MRPS16: variants seen among roughly 807,000 people sequenced by gnomAD.
MRPS16 encodes small ribosomal subunit protein bS16m.
A neutral mutation model predicts 11.0 loss-of-function variants in MRPS16; 5 were observed. That is an observed-to-expected ratio of 0.46 (90% confidence interval 0.24 to 0.96). MRPS16 has a LOEUF of 0.96. MRPS16 is among the 40% of genes least tolerant of loss of function. The pLI is 0.20. For missense variants in MRPS16, 179 were observed against 174.4 expected (o/e 1.03, Z -0.15); for synonymous variants, 76 against 65.0 (o/e 1.17, Z -0.81).
chr10:73,250,676 A>T lies in MRPS16; in HGVS notation c.*176T>A. ...CTAATTAGTACCCACACCCAGCTCT[A>T]AGTCACACAAGAACAAATCTCTCCC... is the stretch of plus-strand genomic sequence containing the variant. On this transcript the variant is annotated 3_prime_UTR_variant, in exon 3 of 3. Transcript: ENST00000372945. 1.2e-6 allele frequency: 1 copy of T among 825,094 alleles called. No individual in the cohort carries two copies. The highest frequency in any genetic ancestry group is 2.0e-6 in the Non-Finnish European group (1 of 505,724). The allele number at this position is 825,094 out of a possible 1,614,324, so 51.1% of individuals were successfully genotyped here.
chr10:73,250,594 C>G lies in MRPS16; in HGVS notation c.*258G>C. The G allele has an allele frequency of 2.1e-6, 1 of 480,482 alleles. No individual in the cohort carries two copies. Among genetic ancestry groups the G allele is most frequent in the Non-Finnish European group, 3.8e-6 (1 of 264,020 alleles). 29.8% of individuals were successfully genotyped at this position (480,482 alleles called of 1,614,324 possible). Reference sequence around the variant, plus strand: ...GTTGTCCAAGAGACCCAGAGCCCAACTCAAAAGTCCAATCCTCCCATAGCC... The same window carrying G: ...GTTGTCCAAGAGACCCAGAGCCCAAGTCAAAAGTCCAATCCTCCCATAGCC... On this transcript the variant is annotated 3_prime_UTR_variant, in exon 3 of 3. Coordinates refer to ENST00000372945, the MANE Select transcript of MRPS16 (RefSeq NM_016065.4).
At position 73,249,651 on chromosome 10, in the gene MRPS16, A is replaced by C. The variant is rs1589209657; in HGVS notation, c.*1201T>G. 1.1e-5 allele frequency: 3 copies of C among 276,812 alleles called. No individual in the cohort carries two copies. Among genetic ancestry groups the C allele is most frequent in the African/African-American group, 2.2e-5 (1 of 45,696 alleles). The allele number at this position is 276,812 out of a possible 1,614,324, so 17.1% of individuals were successfully genotyped here. ...CCCATCTATGATATATGCAGAAATC[A>C]CAGCCACATTTGAATGGTTCAATCT... On this transcript the variant is annotated 3_prime_UTR_variant, in exon 3 of 3. Transcript: ENST00000372945.
At position 73,249,407 on chromosome 10, in the gene MRPS16, G is replaced by C. The variant is rs1015693258; in HGVS notation, c.*1445C>G. 1.5e-6 allele frequency: 2 copies of C among 1,296,602 alleles called. No individual in the cohort carries two copies. The highest frequency in any genetic ancestry group is 2.5e-5 in the East Asian group (1 of 39,360). 80.3% of individuals were successfully genotyped at this position (1,296,602 alleles called of 1,614,324 possible). ...ATTCAAACTATAAAGATCCCTTATA[G>C]ATTACTGGCATCAAGGTAGGAAGGA... On this transcript the variant is annotated 3_prime_UTR_variant, in exon 3 of 3. Coordinates refer to ENST00000372945, the MANE Select transcript of MRPS16 (RefSeq NM_016065.4).
intron 1 of MRPS16, 77 bp downstream of exon 1, chr10:73,252,391 GGA>G: frequency 3.1e-6 from 5 of 1,595,168 alleles, no homozygotes; most frequent in Non-Finnish European, 4.3e-6. Flanking sequence ...ATCGCGCCTG[GGA>G]GAGCTCTCCC....
chr10:73,248,878 C>T lies in MRPS16; in HGVS notation c.*1974G>A. The T allele has an allele frequency of 2.7e-6, 1 of 368,620 alleles. No homozygotes were observed. Among genetic ancestry groups the T allele is most frequent in the Non-Finnish European group, 5.7e-6 (1 of 175,176 alleles). 22.8% of individuals were successfully genotyped at this position (368,620 alleles called of 1,614,324 possible). A position where few individuals can be genotyped will look rare whatever the true frequency, so the allele number is the denominator to read the frequency against. On this transcript the variant is annotated 3_prime_UTR_variant, in exon 3 of 3. Transcript: ENST00000372945. The stretch of plus-strand genomic sequence containing the variant: ...ACACTGAAATATCCTTTTATTGCAA[C>T]TCAAATTTTCAAAAACCAGAAAATC...
Position 73,252,558 on chromosome 10 carries a change from GAAC to G in MRPS16, c.-79_-77del. The G allele has an allele frequency of 6.3e-7, 1 of 1,580,236 alleles. No individual in the cohort carries two copies. Among genetic ancestry groups the G allele is most frequent in the Non-Finnish European group, 8.6e-7 (1 of 1,168,084 alleles). ...AGCTCTACGGCCTTGGCAGGGCAGA[GAAC>G]AAACACAGAAAGAACCTGCAAGCCG... On this transcript the variant is annotated 5_prime_UTR_variant, in exon 1 of 3. Transcript: ENST00000372945.
chr10:73,251,061 A>G, intron 2 of MRPS16, 70 bp from the exon 3 acceptor site: 1 of 1,573,320 alleles, frequency 6.4e-7, no homozygotes, highest in African/African-American at 1.3e-5. Flanking sequence ...ACTCTGTCTC[A>G]CAGAACTGAG....
At chr10:73,252,432 G>A in intron 1 of MRPS16, 38 bp downstream of exon 1, 1 of 1,608,904 alleles carries the variant, frequency 6.2e-7, no homozygotes, top group Non-Finnish European at 8.5e-7. Context: ...CGAGCCCCGT[G>A]ACCGCCCGGA....
chr10:73,251,058 C>G, intron 2 of MRPS16, 67 bp from the exon 3 acceptor site: 1 of 1,578,446 alleles, frequency 6.3e-7, no homozygotes, highest in Non-Finnish European at 8.7e-7. Context: ...GGAACTCTGT[C>G]TCACAGAACT....
Position 73,251,623 on chromosome 10 carries a change from C to T in MRPS16, c.274+140G>A, listed in dbSNP as rs558002880. 5.0e-6 allele frequency: 6 copies of T among 1,203,562 alleles called. No homozygotes were observed. The Admixed American group carries it at 5.1e-5, about 10-fold the overall frequency. 74.6% of individuals were successfully genotyped at this position (1,203,562 alleles called of 1,614,324 possible). A position where few individuals can be genotyped will look rare whatever the true frequency, so the allele number is the denominator to read the frequency against. ...CTCAAACTCTTGACCTCAGGTGATCCGCCCGCCTCGGCCTCCCAAAGCGCT... is the reference window on the plus strand; with the variant it reads ...CTCAAACTCTTGACCTCAGGTGATCTGCCCGCCTCGGCCTCCCAAAGCGCT... On this transcript the variant is annotated intron_variant, in intron 2 of 2. Coordinates refer to ENST00000372945, the MANE Select transcript of MRPS16 (RefSeq NM_016065.4).
At position 73,252,499 on chromosome 10, in the gene MRPS16, G is replaced by A. The variant is rs1043376293; in HGVS notation, c.-17C>T. The A allele has an allele frequency of 1.9e-6, 3 of 1,606,834 alleles. No individual in the cohort carries two copies. The highest frequency in any genetic ancestry group is 1.7e-6 in the Non-Finnish European group (2 of 1,179,610). On this transcript the variant is annotated 5_prime_UTR_variant, in exon 1 of 3. Transcript: ENST00000372945. ...GTGGACCATGGTGCCGCCGGCGTGC[G>A]GCTCCTCGGAGAGCCCCGCTACCCG...
Position 73,250,678 on chromosome 10 carries a change from G to A in MRPS16, c.*174C>T, listed in dbSNP as rs766015986. 8.1e-5 allele frequency: 69 copies of A among 848,004 alleles called. No homozygotes were observed. The highest frequency in any genetic ancestry group is 1.2e-4 in the Non-Finnish European group (64 of 525,238). The allele number at this position is 848,004 out of a possible 1,614,324, so 52.5% of individuals were successfully genotyped here. On this transcript the variant is annotated 3_prime_UTR_variant, in exon 3 of 3. Transcript: ENST00000372945. Reference sequence around the variant, plus strand: ...AATTAGTACCCACACCCAGCTCTAAGTCACACAAGAACAAATCTCTCCCTG... The same window carrying A: ...AATTAGTACCCACACCCAGCTCTAAATCACACAAGAACAAATCTCTCCCTG...
intron 1 of MRPS16, 91 bp downstream of exon 1, chr10:73,252,379 C>T: frequency 1.3e-6 from 2 of 1,572,554 alleles, no homozygotes; most frequent in Non-Finnish European, 1.7e-6. Flanking sequence ...CGGGTTGCCT[C>T]CATCGCGCCT....
chr10:73,252,406 C>G, intron 1 of MRPS16, 64 bp downstream of exon 1: 1 of 1,604,894 alleles, frequency 6.2e-7, no homozygotes, highest in Non-Finnish European at 8.5e-7. Flanking sequence ...GCTCTCCCCA[C>G]CCGGCCCCGA....
Position 73,249,091 on chromosome 10 carries a change from T to C in MRPS16, c.*1761A>G, listed in dbSNP as rs886047187. The C allele has an allele frequency of 6.6e-6, 4 of 603,824 alleles. No individual in the cohort carries two copies. Among genetic ancestry groups the C allele is most frequent in the Non-Finnish European group, 9.1e-6 (3 of 331,414 alleles). The allele number at this position is 603,824 out of a possible 1,614,324, so 37.4% of individuals were successfully genotyped here. ...GCAACACCACAGCCAGCTAATTTTT[T>C]AAGTTTTTGTAGAGACGGGGTCTTG... On this transcript the variant is annotated 3_prime_UTR_variant, in exon 3 of 3. Coordinates refer to ENST00000372945, the MANE Select transcript of MRPS16 (RefSeq NM_016065.4).
chr10:73,249,388 A>T lies in MRPS16; in HGVS notation c.*1464T>A. ...ACTGAAGTTATTCAAATACATTCAA[A>T]CTATAAAGATCCCTTATAGATTACT... On this transcript the variant is annotated 3_prime_UTR_variant, in exon 3 of 3. Coordinates refer to ENST00000372945, the MANE Select transcript of MRPS16 (RefSeq NM_016065.4). 2.1e-6 allele frequency: 3 copies of T among 1,428,494 alleles called. No homozygotes were observed. The highest frequency in any genetic ancestry group is 1.3e-5 in the South Asian group (1 of 79,322). 88.5% of individuals were successfully genotyped at this position (1,428,494 alleles called of 1,614,324 possible). A position where few individuals can be genotyped will look rare whatever the true frequency, so the allele number is the denominator to read the frequency against.
Position 73,248,851 on chromosome 10 carries a change from G to T in MRPS16, c.*2001C>A. The stretch of plus-strand genomic sequence containing the variant: ...ACATTTGCTACGGAAAATTGAAATC[G>T]CACACTGAAATATCCTTTTATTGCA... On this transcript the variant is annotated 3_prime_UTR_variant, in exon 3 of 3. Transcript: ENST00000372945. 2 of 317,960 alleles carry T rather than the reference G, an allele frequency of 6.3e-6. No individual in the cohort carries two copies. The highest frequency in any genetic ancestry group is 2.8e-5 in the South Asian group (1 of 35,732). 19.7% of individuals were successfully genotyped at this position (317,960 alleles called of 1,614,324 possible).
Position 73,250,384 on chromosome 10 carries a change from CAAAA to C in MRPS16, c.*464_*467del, listed in dbSNP as rs113258240. 1.1e-3 allele frequency: 108 copies of C among 95,860 alleles called. No homozygotes were observed. The highest frequency in any genetic ancestry group is 2.6e-3 in the South Asian group (13 of 5,042). 5.9% of individuals were successfully genotyped at this position (95,860 alleles called of 1,614,324 possible). A position where few individuals can be genotyped will look rare whatever the true frequency, so the allele number is the denominator to read the frequency against. On this transcript the variant is annotated 3_prime_UTR_variant, in exon 3 of 3. Transcript: ENST00000372945. ...CTGGCAACAGAACAAGACTCCGTCTCAAAAAAAAAAAAAAAAAGAGAATATGCAT... is the reference window on the plus strand; with the variant it reads ...CTGGCAACAGAACAAGACTCCGTCTCAAAAAAAAAAAAAGAGAATATGCAT...
At position 73,250,276 on chromosome 10, in the gene MRPS16, C is replaced by T. The variant is rs2044070269; in HGVS notation, c.*576G>A. ...GTGCATGCTTGTAGCTCCCCGGCTACTCAGGAGGCTGAGGCAGGAGAACCT... is the reference window on the plus strand; with the variant it reads ...GTGCATGCTTGTAGCTCCCCGGCTATTCAGGAGGCTGAGGCAGGAGAACCT... On this transcript the variant is annotated 3_prime_UTR_variant, in exon 3 of 3. Transcript: ENST00000372945. 1 of 153,492 alleles carries T rather than the reference C, an allele frequency of 6.5e-6. No homozygotes were observed. The highest frequency in any genetic ancestry group is 1.4e-5 in the Non-Finnish European group (1 of 69,690). The allele number at this position is 153,492 out of a possible 1,614,324, so 9.5% of individuals were successfully genotyped here.
Sources: gnomAD v4.1 joint callset for allele counts on GRCh38, gnomAD v4.1.1 for gene constraint, MANE v1.5 for transcripts, NCBI Gene and HGNC (gene_info 2026-07-23, HGNC 2026-07-21) for gene names.